GAS2L2: variants seen among roughly 807,000 people sequenced by gnomAD.
The protein encoded by GAS2L2 is growth arrest specific 2 like 2.
Under a neutral mutation model 35.2 loss-of-function variants are expected in GAS2L2, and 21 were observed. That is an observed-to-expected ratio of 0.60 (90% confidence interval 0.42 to 0.86). GAS2L2 has a LOEUF of 0.86. GAS2L2 is among the 40% of genes least tolerant of loss of function. The pLI is 0.00. For synonymous variants in GAS2L2, 490 were observed against 473.2 expected (o/e 1.04, Z -0.46); for missense variants, 1,169 against 1,144.4 (o/e 1.02, Z -0.31).
chr17:35,747,469 T>C (rs184200379), intron 4 of GAS2L2, among the ~76,000 whole-genome samples: 6 of 152,256 alleles, frequency 3.9e-5, no homozygotes, highest in Non-Finnish European at 8.8e-5. Context: ...ATGTTTTTAG[T>C]GCGGGTACAC....
At position 35,745,149 on chromosome 17, in the gene GAS2L2, C is replaced by T. The variant is rs375770171; in HGVS notation, c.2348G>A (p.Arg783Gln). 3.5e-5 allele frequency: 57 copies of T among 1,613,012 alleles called. No homozygotes were observed. Among genetic ancestry groups the T allele is most frequent in the Non-Finnish European group, 4.2e-5 (50 of 1,179,234 alleles). ...CTGCTTCTCAGGCCTGTGGTCTCTCCGGGGCCGAATCCTGGGTCTCAGCTT... is the reference window on the plus strand; with the variant it reads ...CTGCTTCTCAGGCCTGTGGTCTCTCTGGGGCCGAATCCTGGGTCTCAGCTT... ...KLKLRPRIRP[R>Q]RDHRPEKQPS... The change falls in exon 6 of 6, where the codon CGG (arginine) becomes CAG (glutamine). Residue 783 changes from arginine (R) to glutamine (Q), a missense_variant. Coordinates refer to ENST00000604641, the MANE Select transcript of GAS2L2 (RefSeq NM_139285.4).
Position 35,750,165 on chromosome 17 carries a change from C to G in GAS2L2, c.539G>C (p.Arg180Pro), listed in dbSNP as rs782525112. The stretch of plus-strand genomic sequence containing the variant: ...GGGCGGGGGCAGGGCCAGCTCCCGC[C>G]GCACCTCCTCCTCGATCTCCTCCTC... Reference protein sequence around the residue: ...QLEEEIEEEVRRELALPPPDP... With the variant: ...QLEEEIEEEVPRELALPPPDP... The change falls in exon 2 of 6, where the codon CGG becomes CCG. Residue 180 changes from arginine (R) to proline (P), a missense_variant. Arg to Pro is a moderately radical substitution (Grantham distance 103). Transcript: ENST00000604641. 1 of 1,611,372 alleles carries G rather than the reference C, an allele frequency of 6.2e-7. No individual in the cohort carries two copies. Among genetic ancestry groups the G allele is most frequent in the Admixed American group, 1.7e-5 (1 of 59,556 alleles).
chr17:35,752,696 G>A lies in GAS2L2; in HGVS notation c.155C>T (p.Ala52Val), dbSNP rs782614849. The part of the protein sequence containing the change: ...LRDLYGLDID[A>V]ANFLQVLETG... ...TTCCAGCACCTGCAGGAAGTTGGCT[G>A]CGTCGATGTCCAGCCCATAGAGGTC... Residue 52 changes from alanine (A) to valine (V), a missense_variant, in exon 1 of 6, where the codon GCA (alanine) becomes GTA (valine). Transcript: ENST00000604641. 1.2e-6 allele frequency: 2 copies of A among 1,614,076 alleles called. No individual in the cohort carries two copies. Among genetic ancestry groups the A allele is most frequent in the Admixed American group, 1.7e-5 (1 of 60,036 alleles).
rs1388455262 is a variant in GAS2L2, at chr17:35,752,980, G to A, written c.-130C>T. The stretch of plus-strand genomic sequence containing the variant: ...GTTCCCGTGTACTCGCTGAGAGCCC[G>A]GGACCTCCAGTGCTGCTACTTGCCA... On this transcript the variant is annotated 5_prime_UTR_variant, in exon 1 of 6. Transcript: ENST00000604641. The A allele has an allele frequency of 1.0e-5, 10 of 1,000,422 alleles. No individual in the cohort carries two copies. Among genetic ancestry groups the A allele is most frequent in the South Asian group, 6.8e-5 (4 of 58,588 alleles). The allele number at this position is 1,000,422 out of a possible 1,614,324, so 62.0% of individuals were successfully genotyped here.
intron 3 of GAS2L2, among the ~76,000 whole-genome samples, chr17:35,748,233 T>A (rs587729234): frequency 1.1e-4 from 17 of 152,324 alleles, no homozygotes; most frequent in African/African-American, 4.1e-4. Flanking sequence ...CGGTTTTGCA[T>A]CTGTACATGC....
rs587595682 is a variant in GAS2L2, at chr17:35,749,110, C to G, written c.735G>C (p.Arg245=). ...VGDSNTLIFI[R]ILRNHVMVRV... ...CCCTTGACCCCCAGCCTGGACTTAC[C>G]CGGATGAAGATGAGGGTGTTGGAGT... is the stretch of plus-strand genomic sequence containing the variant. Residue 245 remains arginine (R), a splice_region_variant and synonymous_variant, in exon 3 of 6, where the codon CGG becomes CGC. Coordinates refer to ENST00000604641, the MANE Select transcript of GAS2L2 (RefSeq NM_139285.4). The G allele has an allele frequency of 6.2e-7, 1 of 1,609,072 alleles. No individual in the cohort carries two copies. The highest frequency in any genetic ancestry group is 1.7e-5 in the Admixed American group (1 of 59,964).
rs201637418 is a variant in GAS2L2, at chr17:35,749,221, C to T, written c.628-4G>A. 137 of 1,604,544 alleles carry T rather than the reference C, an allele frequency of 8.5e-5. No individual in the cohort carries two copies. The East Asian group carries it at 8.7e-4, about 10-fold the overall frequency. Reference sequence around the variant, plus strand: ...AGTGGCTCACAAGGCTCTGCACCTGCGGGCGGGTGGTGAACTCAGCCCTCT... The same window carrying T: ...AGTGGCTCACAAGGCTCTGCACCTGTGGGCGGGTGGTGAACTCAGCCCTCT... On this transcript the variant is annotated splice_polypyrimidine_tract_variant and splice_region_variant and intron_variant, in intron 2 of 5. Transcript: ENST00000604641.
chr17:35,750,053 G>C (rs781981127), intron 2 of GAS2L2, 24 bp downstream of exon 2: 2 of 1,599,808 alleles, frequency 1.3e-6, no homozygotes, highest in African/African-American at 2.7e-5. Flanking sequence ...AGGGGGCCCT[G>C]AGGGCGTGTG....
At position 35,752,983 on chromosome 17, in the gene GAS2L2, A is replaced by T; in HGVS notation, c.-133T>A. ...CCCGTGTACTCGCTGAGAGCCCGGGACCTCCAGTGCTGCTACTTGCCACTG... is the reference window on the plus strand; with the variant it reads ...CCCGTGTACTCGCTGAGAGCCCGGGTCCTCCAGTGCTGCTACTTGCCACTG... On this transcript the variant is annotated 5_prime_UTR_variant, in exon 1 of 6. Transcript: ENST00000604641. The T allele has an allele frequency of 1.0e-6, 1 of 967,796 alleles. No individual in the cohort carries two copies. The highest frequency in any genetic ancestry group is 1.5e-6 in the Non-Finnish European group (1 of 676,336). The allele number at this position is 967,796 out of a possible 1,614,324, so 60.0% of individuals were successfully genotyped here. A position where few individuals can be genotyped will look rare whatever the true frequency, so the allele number is the denominator to read the frequency against.
chr17:35,745,462 C>A lies in GAS2L2; in HGVS notation c.2035G>T (p.Gly679Cys), dbSNP rs971733270. 6.3e-7 allele frequency: 1 copy of A among 1,587,362 alleles called. No individual in the cohort carries two copies. Among genetic ancestry groups the A allele is most frequent in the African/African-American group, 1.3e-5 (1 of 74,334 alleles). ...GGGGTAACAGCTGGCTTAGGGGAGCCAGTCGGGGCTGCCTTCCAGGCTTCC... is the reference window on the plus strand; with the variant it reads ...GGGGTAACAGCTGGCTTAGGGGAGCAAGTCGGGGCTGCCTTCCAGGCTTCC... ...DLEAWKAAPT[G>C]SPKPAVTPGP... Residue 679 changes from glycine to cysteine, a missense_variant, in exon 6 of 6, where the codon GGC becomes TGC. By Grantham distance (159) the Gly-to-Cys change is radical. This residue lies in a region of GAS2L2 where 1,035 missense variants were observed against 976.5 expected (regional missense o/e 1.06). Coordinates refer to ENST00000604641, the MANE Select transcript of GAS2L2 (RefSeq NM_139285.4).
chr17:35,746,974 C>T, intron 5 of GAS2L2, 42 bp downstream of exon 5: 1 of 1,509,628 alleles, frequency 6.6e-7, no homozygotes, highest in Non-Finnish European at 8.9e-7. Context: ...AGAATGTGCA[C>T]TCCAAAGGAA....
At chr17:35,749,998 G>A (rs1239182718) in intron 2 of GAS2L2, 79 bp downstream of exon 2, 3 of 1,418,802 alleles carry the variant, frequency 2.1e-6, no homozygotes, top group Non-Finnish European at 2.9e-6. Flanking sequence ...TGGGTTAGTG[G>A]GGGCTGGAGT....
In GAS2L2 at chr17:35,745,698, A is replaced by G. The variant is rs1555598804; in HGVS notation, c.1799T>C (p.Ile600Thr). Residue 600 changes from isoleucine (I) to threonine (T), a missense_variant, in exon 6 of 6, where the codon ATC becomes ACC. By Grantham distance (89) the Ile-to-Thr change is moderately conservative. Transcript: ENST00000604641. ...AATCTCCTCTTCAAGGCTACAGTAG[A>G]TGGCTTGCTCCTTGTTCCCGCCCAA... ...LPLGGNKEQA[I>T]YCSLEEEILG... 1 of 1,613,896 alleles carries G rather than the reference A, an allele frequency of 6.2e-7. No individual in the cohort carries two copies. Among genetic ancestry groups the G allele is most frequent in the East Asian group, 2.2e-5 (1 of 44,844 alleles).
intron 5 of GAS2L2, 107 bp from the exon 6 acceptor site, chr17:35,746,518 A>T (rs587742522): frequency 7.6e-6 from 5 of 659,812 alleles, no homozygotes; most frequent in African/African-American, 7.4e-5. Flanking sequence ...CAGTGAGAAC[A>T]CCCAGGAGGC....
At chr17:35,752,351 A>G in intron 1 of GAS2L2, 115 bp downstream of exon 1, 4 of 1,078,426 alleles carry the variant, frequency 3.7e-6, no homozygotes, top group Non-Finnish European at 5.3e-6. Flanking sequence ...TTCAAGGCAA[A>G]TCTAGAATGA....
In GAS2L2 at chr17:35,744,529, G is replaced by T; in HGVS notation, c.*325C>A. ...TGGGGGCTCAAGGGCAGAATCACATGCATTTAATAACTTATGGGAGTTATG... is the reference window on the plus strand; with the variant it reads ...TGGGGGCTCAAGGGCAGAATCACATTCATTTAATAACTTATGGGAGTTATG... On this transcript the variant is annotated 3_prime_UTR_variant, in exon 6 of 6. Coordinates refer to ENST00000604641, the MANE Select transcript of GAS2L2 (RefSeq NM_139285.4). The T allele has an allele frequency of 3.7e-6, 1 of 269,278 alleles. No individual in the cohort carries two copies. Among genetic ancestry groups the T allele is most frequent in the African/African-American group, 2.1e-5 (1 of 46,694 alleles). 16.7% of individuals were successfully genotyped at this position (269,278 alleles called of 1,614,324 possible). A position where few individuals can be genotyped will look rare whatever the true frequency, so the allele number is the denominator to read the frequency against.
rs1555598646 is a variant in GAS2L2, at chr17:35,745,111, G to A, written c.2386C>T (p.Pro796Ser). ...AGGAAGACATAGGCCAGTGGCCTGGGGATTCGTGAAGGCTGCTTCTCAGGC... is the reference window on the plus strand; with the variant it reads ...AGGAAGACATAGGCCAGTGGCCTGGAGATTCGTGAAGGCTGCTTCTCAGGC... Reference protein sequence around the residue: ...HRPEKQPSRIPRPLAYVFLGP... With the variant: ...HRPEKQPSRISRPLAYVFLGP... Residue 796 changes from proline (P) to serine (S), a missense_variant, in exon 6 of 6, where the codon CCC (proline) becomes TCC (serine). Physicochemically the swap from Pro to Ser is moderately conservative, Grantham distance 74. Around this residue, in one of 3 missense-constraint regions of GAS2L2, gnomAD observed 1,035 missense variants for 976.5 expected, o/e 1.06. Transcript: ENST00000604641. 2.5e-6 allele frequency: 4 copies of A among 1,613,314 alleles called. No homozygotes were observed. Among genetic ancestry groups the A allele is most frequent in the South Asian group, 1.1e-5 (1 of 91,078 alleles).
chr17:35,749,945 A>C, intron 2 of GAS2L2, 132 bp downstream of exon 2: 1 of 787,884 alleles, frequency 1.3e-6, no homozygotes, highest in Non-Finnish European at 2.0e-6. Context: ...AAAGCCACAC[A>C]GTGAATTCGG....
chr17:35,747,231 TG>T lies in GAS2L2; in HGVS notation c.869del (p.Pro290HisfsTer7). ...KPGSFLKPPA[P>X]PVQHEVRVQD... is the part of the protein sequence containing the mutation. ...GTACCCTTACTTCATGCTGCACTGG[TG>T]GGGCCGGGGGCTTCAGGAAGCTGCC... On this transcript the variant is annotated frameshift_variant, in exon 5 of 6. Transcript: ENST00000604641. LOFTEE classifies it high-confidence loss of function. The T allele has an allele frequency of 6.2e-7, 1 of 1,613,310 alleles. No homozygotes were observed. Among genetic ancestry groups the T allele is most frequent in the African/African-American group, 1.3e-5 (1 of 74,958 alleles).
Sources: gnomAD v4.1 joint callset for allele counts (sites outside exome capture counted in the v4.1 genomes callset) on GRCh38, gnomAD v4.1.1 for gene constraint, gnomAD v4.1.1 regional missense constraint, MANE v1.5 for transcripts, NCBI Gene and HGNC (gene_info 2026-07-23, HGNC 2026-07-21) for gene names.